The following ZNF319 variants were observed in gnomAD, a reference collection of about 807,000 sequenced individuals.
ZNF319 encodes the protein zinc finger protein 319.
ZNF319 carries 15 observed loss-of-function variants against 46.0 expected under a neutral mutation model. The ratio of observed to expected loss-of-function variants is 0.33; its 90% CI spans 0.22 to 0.50. The LOEUF is 0.50. ZNF319 is among the 20% of genes least tolerant of loss of function. ZNF319 has a pLI of 0.98. For missense variants in ZNF319, 635 were observed against 807.0 expected (o/e 0.79, Z 2.58); for synonymous variants, 368 against 364.0 (o/e 1.01, Z -0.13).
At position 57,998,121 on chromosome 16, in the gene ZNF319, C is replaced by T. The variant is rs746156675; in HGVS notation, c.145G>A (p.Val49Ile). The change falls in exon 2 of 2, where the codon GTC (valine) becomes ATC (isoleucine). Residue 49 changes from valine to isoleucine, a missense_variant. By Grantham distance (29) the Val-to-Ile change is conservative (BLOSUM62 3). Around this residue, in one of 3 missense-constraint regions of ZNF319, gnomAD observed 227 missense variants for 277.5 expected, o/e 0.82. Coordinates refer to ENST00000299237, the MANE Select transcript of ZNF319 (RefSeq NM_020807.3). ...TCTGGCTGCAGGAGGATGCCATAGA[C>T]GGCACAGCCCAGGGGGTTCTCCGCC... ...GTAENPLGCA[V>I]YGILLQPDPG... The T allele has an allele frequency of 2.4e-5, 38 of 1,604,064 alleles. No homozygotes were observed. The Middle Eastern group carries it at 6.6e-4, about 28-fold the overall frequency.
In ZNF319 at chr16:57,998,464, C is replaced by T. The variant is rs1963075439; in HGVS notation, c.-199G>A. The T allele has an allele frequency of 5.2e-6, 4 of 765,088 alleles. No individual in the cohort carries two copies. Among genetic ancestry groups the T allele is most frequent in the Non-Finnish European group, 7.9e-6 (4 of 504,680 alleles). The allele number at this position is 765,088 out of a possible 1,614,324, so 47.4% of individuals were successfully genotyped here. On this transcript the variant is annotated 5_prime_UTR_variant, in exon 2 of 2. Coordinates refer to ENST00000299237, the MANE Select transcript of ZNF319 (RefSeq NM_020807.3). ...AGGCTCTGCCTACAGGACATGGGGG[C>T]TCTTCAAGGGAGGGTCCCAGCAGTG...
Position 57,996,786 on chromosome 16 carries a change from G to C in ZNF319, c.1480C>G (p.Arg494Gly). ...TGCAGGTCTGACGCGTACTTGAAGCGTTTCTCGCAGTCTGGGCACTTGAGT... is the reference window on the plus strand; with the variant it reads ...TGCAGGTCTGACGCGTACTTGAAGCCTTTCTCGCAGTCTGGGCACTTGAGT... ...KPLKCPDCEK[R>G]FKYASDLQRH... Residue 494 changes from arginine (R) to glycine (G), a missense_variant, in exon 2 of 2, where the codon CGC becomes GGC. By Grantham distance (125) the Arg-to-Gly change is moderately radical (BLOSUM62 -2). Coordinates refer to ENST00000299237, the MANE Select transcript of ZNF319 (RefSeq NM_020807.3). The C allele has an allele frequency of 6.2e-7, 1 of 1,611,272 alleles. No homozygotes were observed. Among genetic ancestry groups the C allele is most frequent in the East Asian group, 2.2e-5 (1 of 44,834 alleles).
rs1411999518 is a variant in ZNF319, at chr16:57,998,327, CAATCCAGAGA to C, written c.-72_-63del. 1.3e-6 allele frequency: 2 copies of C among 1,509,010 alleles called. No homozygotes were observed. The highest frequency in any genetic ancestry group is 1.8e-6 in the Non-Finnish European group (2 of 1,128,226). The allele number at this position is 1,509,010 out of a possible 1,614,324, so 93.5% of individuals were successfully genotyped here. On this transcript the variant is annotated 5_prime_UTR_variant, in exon 2 of 2. Transcript: ENST00000299237. Reference sequence around the variant, plus strand: ...CTTCAGTTTCCCGCTTCACGTGACCCAATCCAGAGAGAGAAGCTGCCCAATCACAGAGATG... The same window carrying C: ...CTTCAGTTTCCCGCTTCACGTGACCCGAGAAGCTGCCCAATCACAGAGATG...
Position 57,998,138 on chromosome 16 carries a change from T to G in ZNF319, c.128A>C (p.Asn43Thr). The G allele has an allele frequency of 6.3e-7, 1 of 1,589,334 alleles. No individual in the cohort carries two copies. The highest frequency in any genetic ancestry group is 1.3e-5 in the African/African-American group (1 of 74,614). The change falls in exon 2 of 2, where the codon AAC (asparagine) becomes ACC (threonine). Residue 43 changes from asparagine (N) to threonine (T), a missense_variant. Around this residue, in one of 3 missense-constraint regions of ZNF319, gnomAD observed 227 missense variants for 277.5 expected, o/e 0.82. Coordinates refer to ENST00000299237, the MANE Select transcript of ZNF319 (RefSeq NM_020807.3). ...EHTLPPGTAE[N>T]PLGCAVYGIL... The stretch of plus-strand genomic sequence containing the variant: ...GCCATAGACGGCACAGCCCAGGGGG[T>G]TCTCCGCCGTGCCCGGAGGCAGCGT...
rs201171999 is a variant in ZNF319 at position 57,997,153 on chromosome 16, G to T, written c.1113C>A (p.Phe371Leu). ...HRRTHKTEEP[F>L]KCGLCEKGFG... is the part of the protein sequence containing the mutation. ...AGCCCTTCTCACATAGGCCGCATTT[G>T]AAGGGCTCCTCGGTCTTGTGTGTGC... The change falls in exon 2 of 2, where the codon TTC (phenylalanine) becomes TTA (leucine). Residue 371 changes from phenylalanine (F) to leucine (L), a missense_variant. By Grantham distance (22) the Phe-to-Leu change is conservative. Transcript: ENST00000299237. 4.8e-5 allele frequency: 78 copies of T among 1,613,886 alleles called. No individual in the cohort carries two copies. Among genetic ancestry groups the T allele is most frequent in the Non-Finnish European group, 6.2e-5 (73 of 1,179,990 alleles).
chr16:57,998,092 G>A lies in ZNF319; in HGVS notation c.174C>T (p.Pro58=), dbSNP rs115738968. 3.3e-3 allele frequency: 5,332 copies of A among 1,607,824 alleles called. 32 individuals are homozygous for A. The highest frequency in any genetic ancestry group is 0.026 in the African/African-American group (1,917 of 75,018). ...AVYGILLQPD[P]GLQPPQHAPL... ...GTGCGTGTTGTGGGGGCTGCAGGCC[G>A]GGGTCTGGCTGCAGGAGGATGCCAT... The change falls in exon 2 of 2, where the codon CCC becomes CCT. Residue 58 remains proline, a synonymous_variant. Coordinates refer to ENST00000299237, the MANE Select transcript of ZNF319 (RefSeq NM_020807.3).
Position 57,997,503 on chromosome 16 carries a change from C to G in ZNF319, c.763G>C (p.Glu255Gln), listed in dbSNP as rs770419281. The change falls in exon 2 of 2, where the codon GAG (glutamate) becomes CAG (glutamine). Residue 255 changes from glutamate (E) to glutamine (Q), a missense_variant. This residue lies in a region of ZNF319 where 138 missense variants were observed against 248.0 expected (regional missense o/e 0.56). Coordinates refer to ENST00000299237, the MANE Select transcript of ZNF319 (RefSeq NM_020807.3). ...LVHHKRTHSS[E>Q]RPYKCAVCEK... ...CAGACTGCGCACTTGTAGGGCCGCT[C>G]GGAGCTGTGCGTGCGCTTGTGGTGC... 3 of 1,613,752 alleles carry G rather than the reference C, an allele frequency of 1.9e-6. No homozygotes were observed. In the African/African-American group the frequency reaches 4.0e-5, roughly 22 times the overall value.
In ZNF319 at chr16:57,998,149, G is replaced by T; in HGVS notation, c.117C>A (p.Gly39=). The T allele has an allele frequency of 6.3e-7, 1 of 1,581,524 alleles. No individual in the cohort carries two copies. Residue 39 remains glycine (G), a synonymous_variant, in exon 2 of 2, where the codon GGC becomes GGA. Coordinates refer to ENST00000299237, the MANE Select transcript of ZNF319 (RefSeq NM_020807.3). Reference sequence around the variant, plus strand: ...CACAGCCCAGGGGGTTCTCCGCCGTGCCCGGAGGCAGCGTGTGCTCTGCCA... The same window carrying T: ...CACAGCCCAGGGGGTTCTCCGCCGTTCCCGGAGGCAGCGTGTGCTCTGCCA... ...PALAEHTLPP[G]TAENPLGCAV... is the part of the protein sequence containing the mutation.
In ZNF319 at chr16:57,997,655, C is replaced by T. The variant is rs1465308070; in HGVS notation, c.611G>A (p.Cys204Tyr). 6.2e-7 allele frequency: 1 copy of T among 1,613,924 alleles called. No individual in the cohort carries two copies. The highest frequency in any genetic ancestry group is 1.3e-5 in the African/African-American group (1 of 74,950). The change falls in exon 2 of 2, where the codon TGC becomes TAC. Residue 204 changes from cysteine (C) to tyrosine (Y), a missense_variant. Coordinates refer to ENST00000299237, the MANE Select transcript of ZNF319 (RefSeq NM_020807.3). ...PAEQADKPYS[C>Y]PICQKPFKHL... ...CTTGAAGGGCTTTTGGCAGATGGGG[C>T]AGCTGTAGGGCTTGTCGGCCTGTTC... is the stretch of plus-strand genomic sequence containing the variant.
Position 58,000,556 on chromosome 16 carries a change from G to A in ZNF319, c.-1321C>T, listed in dbSNP as rs1298611934. 1 of 150,222 alleles carries A rather than the reference G, an allele frequency of 6.7e-6. No individual in the cohort carries two copies. The highest frequency in any genetic ancestry group is 1.5e-5 in the Non-Finnish European group (1 of 67,140). 9.3% of individuals were successfully genotyped at this position (150,222 alleles called of 1,614,324 possible). On this transcript the variant is annotated 5_prime_UTR_variant, in exon 1 of 2. Coordinates refer to ENST00000299237, the MANE Select transcript of ZNF319 (RefSeq NM_020807.3). The surrounding 1 kb of genome is among the most constrained non-coding windows in gnomAD (Gnocchi z 4.5). ...CGGCTGCGGCCGGACCGGGGGCGGG[G>A]GACGGGCTAGCGGCGGCCGGAACGG...
At position 57,997,976 on chromosome 16, in the gene ZNF319, A is replaced by C. The variant is rs1472429971; in HGVS notation, c.290T>G (p.Leu97Arg). The C allele has an allele frequency of 6.2e-7, 1 of 1,613,420 alleles. No homozygotes were observed. Among genetic ancestry groups the C allele is most frequent in the African/African-American group, 1.3e-5 (1 of 74,946 alleles). Reference protein sequence around the residue: ...HLSSPHEHQCLAGHDRSFQCT... With the variant: ...HLSSPHEHQCRAGHDRSFQCT... ...CTGGAATGAGCGGTCATGGCCCGCC[A>C]GACACTGGTGCTCATGCGGACTGGA... The change falls in exon 2 of 2, where the codon CTG becomes CGG. Residue 97 changes from leucine (L) to arginine (R), a missense_variant. By Grantham distance (102) the Leu-to-Arg change is moderately radical (BLOSUM62 -2). This residue lies in a region of ZNF319 where 227 missense variants were observed against 277.5 expected (regional missense o/e 0.82). Coordinates refer to ENST00000299237, the MANE Select transcript of ZNF319 (RefSeq NM_020807.3).
intron 1 of ZNF319, 78 bp from the exon 2 acceptor site, chr16:57,998,600 C>A: frequency 3.9e-6 from 1 of 254,722 alleles, no homozygotes; most frequent in Non-Finnish European, 7.9e-6. Flanking sequence ...GTCCTGCCCG[C>A]ACTCACCACA....
chr16:57,999,239 T>TCACTCA, intron 1 of ZNF319, among the ~76,000 whole-genome samples: 1 of 145,762 alleles, frequency 6.9e-6, no homozygotes, highest in Non-Finnish European at 1.5e-5. Context: ...CTCCCAGAAC[T>TCACTCA]CACACACACA....
In ZNF319 at chr16:57,997,818, G is replaced by T. The variant is rs1293614613; in HGVS notation, c.448C>A (p.His150Asn). ...GFSLLTSLAQ[H>N]HSSHSGLVKC... Reference sequence around the variant, plus strand: ...ACCAGGCCACTGTGGGAGCTGTGGTGCTGTGCCAGTGAGGTGAGTAGTGAG... The same window carrying T: ...ACCAGGCCACTGTGGGAGCTGTGGTTCTGTGCCAGTGAGGTGAGTAGTGAG... Residue 150 changes from histidine (H) to asparagine (N), a missense_variant, in exon 2 of 2, where the codon CAC (histidine) becomes AAC (asparagine). His to Asn is a moderately conservative substitution (Grantham distance 68). Transcript: ENST00000299237. 4 of 1,612,560 alleles carry T rather than the reference G, an allele frequency of 2.5e-6. No individual in the cohort carries two copies. The highest frequency in any genetic ancestry group is 3.4e-6 in the Non-Finnish European group (4 of 1,180,044).
Position 57,997,310 on chromosome 16 carries a change from T to A in ZNF319, c.956A>T (p.Glu319Val). The change falls in exon 2 of 2, where the codon GAG becomes GTG. Residue 319 changes from glutamate (E) to valine (V), a missense_variant. Transcript: ENST00000299237. ...PSGERPFRCG[E>V]CQKAFKRPSD... ...GGGCCGCTTGAAGGCCTTCTGGCAC[T>A]CGCCGCAGCGGAAGGGCCGCTCCCC... The A allele has an allele frequency of 6.2e-7, 1 of 1,608,872 alleles. No individual in the cohort carries two copies.
At position 57,996,892 on chromosome 16, in the gene ZNF319, C is replaced by A; in HGVS notation, c.1374G>T (p.Leu458=). 8 of 1,602,478 alleles carry A rather than the reference C, an allele frequency of 5.0e-6. No homozygotes were observed. Among genetic ancestry groups the A allele is most frequent in the Non-Finnish European group, 5.9e-6 (7 of 1,179,024 alleles). Residue 458 remains leucine, a synonymous_variant, in exon 2 of 2, where the codon CTG becomes CTT. Transcript: ENST00000299237. ...AGCGGCGTTCGCAAAGCGTGCAGCG[C>A]AGGGGCTTCTCTGCCGCCGCACAGT... is the stretch of plus-strand genomic sequence containing the variant. ...LAHCAAAEKP[L]RCTLCERRFF... is the part of the protein sequence containing the mutation.
Position 57,997,350 on chromosome 16 carries a change from G to C in ZNF319, c.916C>G (p.Pro306Ala). 1 of 1,611,904 alleles carries C rather than the reference G, an allele frequency of 6.2e-7. No individual in the cohort carries two copies. Among genetic ancestry groups the C allele is most frequent in the Non-Finnish European group, 8.5e-7 (1 of 1,179,792 alleles). The change falls in exon 2 of 2, where the codon CCG (proline) becomes GCG (alanine). Residue 306 changes from proline (P) to alanine (A), a missense_variant. Coordinates refer to ENST00000299237, the MANE Select transcript of ZNF319 (RefSeq NM_020807.3). ...FKESSELLQH[P>A]CTPSGERPFR... is the part of the protein sequence containing the mutation. ...GGCCGCTCCCCACTTGGCGTGCACGGGTGCTGCAGCAGCTCCGACGACTCC... is the reference window on the plus strand; with the variant it reads ...GGCCGCTCCCCACTTGGCGTGCACGCGTGCTGCAGCAGCTCCGACGACTCC...
rs1167878312 is a variant in ZNF319, at chr16:57,996,995, G to A, written c.1271C>T (p.Ala424Val). 1 of 1,606,642 alleles carries A rather than the reference G, an allele frequency of 6.2e-7. No individual in the cohort carries two copies. Reference sequence around the variant, plus strand: ...CACAGGGCACTTGAAGGGCCGCTCGGCCGCGCCGGGCAGGCACTTGTGCCG... The same window carrying A: ...CACAGGGCACTTGAAGGGCCGCTCGACCGCGCCGGGCAGGCACTTGTGCCG... Reference protein sequence around the residue: ...LLRHKCLPGAAERPFKCPVCN... With the variant: ...LLRHKCLPGAVERPFKCPVCN... Residue 424 changes from alanine to valine, a missense_variant, in exon 2 of 2, where the codon GCC (alanine) becomes GTC (valine). By Grantham distance (64) the Ala-to-Val change is moderately conservative (BLOSUM62 0). Transcript: ENST00000299237.
rs1029789087 is a variant in ZNF319, at chr16:57,996,306, C to T, written c.*211G>A. Reference sequence around the variant, plus strand: ...TGGAATCAGGATGGGCCACAGCAATCTGGCCGCCCGCACTGCCCGCTGGTG... The same window carrying T: ...TGGAATCAGGATGGGCCACAGCAATTTGGCCGCCCGCACTGCCCGCTGGTG... On this transcript the variant is annotated 3_prime_UTR_variant, in exon 2 of 2. Coordinates refer to ENST00000299237, the MANE Select transcript of ZNF319 (RefSeq NM_020807.3). The T allele has an allele frequency of 3.1e-6, 3 of 978,474 alleles. No homozygotes were observed. In the African/African-American group the frequency reaches 4.9e-5, roughly 16 times the overall value. 60.6% of individuals were successfully genotyped at this position (978,474 alleles called of 1,614,324 possible). A position where few individuals can be genotyped will look rare whatever the true frequency, so the allele number is the denominator to read the frequency against.
Sources: allele counts gnomAD v4.1 joint callset (sites outside exome capture counted in the v4.1 genomes callset), GRCh38; gene constraint gnomAD v4.1.1; regional missense constraint gnomAD v4.1.1; non-coding constraint Gnocchi (gnomAD v3.1); transcripts MANE v1.5; gene names NCBI Gene and HGNC (gene_info 2026-07-23, HGNC 2026-07-21).